Variants in FAM149A observed in about 807,000 individuals in gnomAD.
The protein encoded by FAM149A is family with sequence similarity 149 member A.
A neutral mutation model predicts 78.2 loss-of-function variants in FAM149A; 71 were observed. That is an observed-to-expected ratio of 0.91 (90% confidence interval 0.75 to 1.11). The LOEUF is 1.11. FAM149A is among the 50% of genes least tolerant of loss of function. FAM149A has a pLI of 0.00. For missense variants in FAM149A, 1,036 were observed against 971.0 expected, an observed-to-expected ratio of 1.07 and a Z score of -0.89; for synonymous variants, 446 against 410.5, an observed-to-expected ratio of 1.09 and a Z score of -1.04.
At chr4:186,126,823 G>A (rs1259635062) in intron 1 of FAM149A, 2 of 916,182 alleles carry the variant, frequency 2.2e-6, no homozygotes, top group East Asian at 1.2e-4. Flanking sequence ...ATCTCCTGGT[G>A]TATGTCTCTG....
At chr4:186,149,140 A>T in intron 1 of FAM149A, 33 bp from the exon 2 acceptor site, 1 of 1,259,962 alleles carries the variant, frequency 7.9e-7, no homozygotes, top group Non-Finnish European at 1.0e-6. Flanking sequence ...TTATTACATT[A>T]GGGAGACTCG....
intron 4 of FAM149A, among the ~76,000 whole-genome samples, chr4:186,152,441 T>C (rs1166167090): frequency 6.6e-6 from 1 of 151,984 alleles, no homozygotes; most frequent in African/African-American, 2.4e-5. Context: ...TCTTCCCATC[T>C]CACCCATTCC....
Position 186,105,150 on chromosome 4 carries a change from G to A in FAM149A, c.74G>A (p.Gly25Asp). The change falls in exon 1 of 14, where the codon GGC (glycine) becomes GAC (aspartate). Residue 25 changes from glycine (G) to aspartate (D), a missense_variant. Transcript: ENST00000389354. ...GAGACCTCGACGGCGCCCCCCGCAGGCCCCTCCTCCAGACCCTCGGGAGGT... is the reference window on the plus strand; with the variant it reads ...GAGACCTCGACGGCGCCCCCCGCAGACCCCTCCTCCAGACCCTCGGGAGGT... 7.8e-7 allele frequency: 1 copy of A among 1,279,998 alleles called. No individual in the cohort carries two copies. 79.3% of individuals were successfully genotyped at this position (1,279,998 alleles called of 1,614,324 possible). A position where few individuals can be genotyped will look rare whatever the true frequency, so the allele number is the denominator to read the frequency against.
chr4:186,153,512 G>A (rs1295431845), intron 4 of FAM149A, 133 bp from the exon 5 acceptor site: 1 of 1,484,528 alleles, frequency 6.7e-7, no homozygotes, highest in Non-Finnish European at 9.0e-7. Flanking sequence ...TGTGATGCGT[G>A]ATGCTTCCCA....
At chr4:186,137,876 T>C (rs2099324157) in intron 1 of FAM149A, among the ~76,000 whole-genome samples, 1 of 151,718 alleles carries the variant, frequency 6.6e-6, no homozygotes, top group Non-Finnish European at 1.5e-5. Context: ...TTCTATATTT[T>C]TCTATAATTT....
chr4:186,149,027 T>TGTGC, intron 1 of FAM149A, 146 bp from the exon 2 acceptor site: 3 of 334,060 alleles, frequency 9.0e-6, no homozygotes, highest in South Asian at 7.4e-5. Flanking sequence ...TGTGTGTGTG[T>TGTGC]GTGTGCGCTC....
chr4:186,119,722 T>A (rs1201090567), intron 1 of FAM149A, among the ~76,000 whole-genome samples: 2 of 152,234 alleles, frequency 1.3e-5, no homozygotes, highest in African/African-American at 4.8e-5. Flanking sequence ...AAGTTAATAA[T>A]TCTATTTCAG....
chr4:186,126,909 G>A (rs776551710), intron 1 of FAM149A: 15 of 985,168 alleles, frequency 1.5e-5, no homozygotes, highest in East Asian at 1.1e-4. Flanking sequence ...ATAAATGGGC[G>A]GTGTATCACA....
chr4:186,136,976 T>TCTCTCTCTTTC (rs2099323291), intron 1 of FAM149A, among the ~76,000 whole-genome samples: 8 of 72,094 alleles, frequency 1.1e-4, no homozygotes, highest in South Asian at 5.7e-4. Context: ...CTCTCTCTCT[T>TCTCTCTCTTTC]TCTCTCTCTC....
At chr4:186,126,975 T>C (rs2099318586) in intron 1 of FAM149A, 1 of 985,292 alleles carries the variant, frequency 1.0e-6, no homozygotes. Flanking sequence ...AGAGGCTTAT[T>C]GAAGACTGGA....
chr4:186,145,223 C>A, intron 1 of FAM149A: 1 of 867,874 alleles, frequency 1.2e-6, no homozygotes, highest in Non-Finnish European at 1.4e-6. Context: ...CCTGCAGGCA[C>A]TCGGGAAGCG....
intron 1 of FAM149A, among the ~76,000 whole-genome samples, chr4:186,115,204 G>T (rs1433778934): frequency 5.1e-5 from 3 of 58,992 alleles, no homozygotes; most frequent in Non-Finnish European, 1.0e-4. Flanking sequence ...TGAGGCGTCT[G>T]CATTCTTCAC....
chr4:186,138,307 C>T (rs557700468), intron 1 of FAM149A, among the ~76,000 whole-genome samples: 7 of 152,196 alleles, frequency 4.6e-5, no homozygotes, highest in South Asian at 2.1e-4. Flanking sequence ...AATAGGCTCA[C>T]GTGATTGTGG....
chr4:186,109,516 G>A (rs750812825), intron 1 of FAM149A: 7 of 985,226 alleles, frequency 7.1e-6, no homozygotes, highest in African/African-American at 3.5e-5. Context: ...ACCTCAAACC[G>A]ATTGCTAGCT....
chr4:186,144,820 G>A lies in FAM149A; in HGVS notation c.567-4353G>A, dbSNP rs183851187. The A allele has an allele frequency of 5.5e-4, 544 of 983,462 alleles. 3 individuals are homozygous for A. The African/African-American group carries it at 8.9e-3, about 16-fold the overall frequency. 60.9% of individuals were successfully genotyped at this position (983,462 alleles called of 1,614,324 possible). On this transcript the variant is annotated intron_variant, in intron 1 of 13. Transcript: ENST00000389354. The surrounding 1 kb of genome is among the most constrained non-coding windows in gnomAD (Gnocchi z 4.2). The stretch of plus-strand genomic sequence containing the variant: ...GCGCAGCGCAGGGAGGAGGAGGGGA[G>A]GCGGCGCCGGCGCGGGCGGGGCGGA...
intron 8 of FAM149A, chr4:186,158,242 C>A: frequency 8.0e-7 from 1 of 1,254,300 alleles, no homozygotes; most frequent in East Asian, 5.1e-5. Context: ...AGGCAGCCTT[C>A]CGGGAGCCAT....
At chr4:186,153,844 T>G in intron 5 of FAM149A, 74 bp downstream of exon 5, 1 of 1,505,528 alleles carries the variant, frequency 6.6e-7, no homozygotes, top group Non-Finnish European at 9.0e-7. Context: ...GTTTATCTCA[T>G]CTATAAGCCT....
In FAM149A at chr4:186,105,436, TG is replaced by T; in HGVS notation, c.361del (p.Ala121LeufsTer83). The T allele has an allele frequency of 8.2e-7, 1 of 1,213,660 alleles. No individual in the cohort carries two copies. 75.2% of individuals were successfully genotyped at this position (1,213,660 alleles called of 1,614,324 possible). A position where few individuals can be genotyped will look rare whatever the true frequency, so the allele number is the denominator to read the frequency against. ...CTCCCTCCGGCGGGGGCTGCTCCCC[TG>T]CTCGCCTGGTGGTCCCAGCGCGGCC... On this transcript the variant is annotated frameshift_variant, in exon 1 of 14. Coordinates refer to ENST00000389354, the MANE Select transcript of FAM149A (RefSeq NM_001367768.3). LOFTEE classifies it high-confidence loss of function.
At chr4:186,170,606 G>C (rs983591062) in intron 13 of FAM149A, among the ~76,000 whole-genome samples, 4 of 152,224 alleles carry the variant, frequency 2.6e-5, no homozygotes, top group African/African-American at 9.6e-5. Context: ...GCACTGAGCA[G>C]CCTGGTGAGC....
Sources: gnomAD v4.1 joint callset for allele counts (sites outside exome capture counted in the v4.1 genomes callset) on GRCh38, gnomAD v4.1.1 for gene constraint, Gnocchi (gnomAD v3.1) non-coding constraint, MANE v1.5 for transcripts, NCBI Gene and HGNC (gene_info 2026-07-23, HGNC 2026-07-21) for gene names.